Variants in AMZ1 observed in about 807,000 individuals in gnomAD.
The protein encoded by AMZ1 is archaelysin family metallopeptidase 1.
In AMZ1, 39 loss-of-function variants were observed where a neutral mutation model predicts 29.9. The ratio of observed to expected loss-of-function variants is 1.30; its 90% confidence interval spans 1.01 to 1.70. AMZ1 has a LOEUF of 1.70. Among genes scored for constraint, AMZ1 ranks in the 40% most tolerant of loss-of-function variants. The pLI is 0.00. For missense variants in AMZ1, 1,041 were observed against 680.6 expected, an observed-to-expected ratio of 1.53 and a Z score of -5.89; for synonymous variants, 458 against 304.0, an observed-to-expected ratio of 1.51 and a Z score of -5.27.
chr7:2,735,099 C>T (rs1035710915), intron 4 of AMZ1, among the ~76,000 whole-genome samples: 3 of 127,496 alleles, frequency 2.4e-5, no homozygotes, highest in African/African-American at 5.7e-5. Context: ...TGGGAGAAGC[C>T]GTTGGGTGCA....
At chr7:2,742,391 T>G (rs1313215861) in intron 4 of AMZ1, among the ~76,000 whole-genome samples, 1 of 152,312 alleles carries the variant, frequency 6.6e-6, no homozygotes, top group East Asian at 1.9e-4. Context: ...GTGTTTAACA[T>G]GACAGTTTCG....
intron 4 of AMZ1, among the ~76,000 whole-genome samples, chr7:2,736,092 A>G (rs1223092209): frequency 6.6e-6 from 1 of 152,224 alleles, no homozygotes; most frequent in Non-Finnish European, 1.5e-5. Flanking sequence ...CAGCTCATTA[A>G]AAGGGCCAGG....
intron 2 of AMZ1, 162 bp from the exon 3 acceptor site, chr7:2,702,560 T>G: frequency 2.6e-6 from 2 of 772,082 alleles, no homozygotes; most frequent in Non-Finnish European, 4.0e-6. Context: ...GAAAAAGTCA[T>G]GCTTTCCATC....
chr7:2,759,216 A>G (rs1055476989), intron 4 of AMZ1, among the ~76,000 whole-genome samples: 1 of 151,990 alleles, frequency 6.6e-6, no homozygotes, highest in Admixed American at 6.6e-5. Flanking sequence ...CCCATGATGG[A>G]TCTCAAAATA....
At chr7:2,744,218 C>A (rs1376926003) in intron 4 of AMZ1, among the ~76,000 whole-genome samples, 1 of 152,236 alleles carries the variant, frequency 6.6e-6, no homozygotes, top group Non-Finnish European at 1.5e-5. Context: ...GGGCAGACTG[C>A]CTCCTCAAGT....
chr7:2,746,600 C>T (rs551187460), intron 4 of AMZ1, among the ~76,000 whole-genome samples: 1 of 151,984 alleles, frequency 6.6e-6, no homozygotes, highest in Non-Finnish European at 1.5e-5. Flanking sequence ...AACATCACAA[C>T]TAAAAGAACT....
At chr7:2,736,432 CAG>C (rs144880119) in intron 4 of AMZ1, among the ~76,000 whole-genome samples, 16,253 of 152,222 alleles carry the variant, frequency 0.11, 1,004 homozygotes, top group Middle Eastern at 0.18. Flanking sequence ...ACACACCTGA[CAG>C]GGGCCTGTCC....
chr7:2,757,163 T>G (rs1583245744), intron 4 of AMZ1, among the ~76,000 whole-genome samples: 1 of 113,914 alleles, frequency 8.8e-6, no homozygotes. Flanking sequence ...TGAGACGGAG[T>G]CTTGCTCTGT....
At chr7:2,729,317 C>T (rs1038772106) in intron 4 of AMZ1, 7 of 152,406 alleles carry the variant, frequency 4.6e-5, no homozygotes, top group African/African-American at 1.7e-4. Context: ...GAGACCACCC[C>T]GAGGGCCCCA....
chr7:2,721,040 C>CGCTG (rs1407873163), downstream of AMZ1, among the ~76,000 whole-genome samples: 2 of 152,236 alleles, frequency 1.3e-5, no homozygotes, highest in African/African-American at 4.8e-5. Flanking sequence ...GGGCTGTCAT[C>CGCTG]GCTGGCTGCC....
rs140523812 is a variant in AMZ1 at position 2,709,133 on chromosome 7, C to G, written c.660C>G (p.Ser220Arg). ...GGGAATTCCCGAAGTCGGGGCCCAGCGCCCCTGATCTGGCCCTGGTAGAGG... is the reference window on the plus strand; with the variant it reads ...GGGAATTCCCGAAGTCGGGGCCCAGGGCCCCTGATCTGGCCCTGGTAGAGG... ...FSGEFPKSGP[S>R]APDLALVEAA... Residue 220 changes from serine to arginine, a missense_variant, in exon 5 of 7, where the codon AGC becomes AGG. By Grantham distance (110) the Ser-to-Arg change is moderately radical. Coordinates refer to ENST00000683327, the MANE Select transcript of AMZ1 (RefSeq NM_001384743.1). The G allele has an allele frequency of 3.1e-5, 50 of 1,597,512 alleles. No homozygotes were observed. The East Asian group carries it at 1.0e-3, about 33-fold the overall frequency.
rs376179158 is a variant in AMZ1, at chr7:2,702,783, C to G, written c.366C>G (p.Ala122=). The G allele has an allele frequency of 6.5e-7, 1 of 1,544,786 alleles. No homozygotes were observed. The highest frequency in any genetic ancestry group is 8.7e-7 in the Non-Finnish European group (1 of 1,147,842). ...LLHQLCSCTE[A]FFLGLRVKCL... is the part of the protein sequence containing the mutation. The stretch of plus-strand genomic sequence containing the variant: ...ACCAGCTGTGCAGCTGCACAGAGGC[C>G]TTCTTCCTGGGCCTGCGCGTCAAGT... The change falls in exon 3 of 7, where the codon GCC becomes GCG. Residue 122 remains alanine, a synonymous_variant. Coordinates refer to ENST00000683327, the MANE Select transcript of AMZ1 (RefSeq NM_001384743.1).
chr7:2,735,043 G>A (rs932944731), intron 4 of AMZ1, among the ~76,000 whole-genome samples: 2 of 152,216 alleles, frequency 1.3e-5, no homozygotes, highest in Admixed American at 6.5e-5. Flanking sequence ...AGTCCCCCCG[G>A]TCCTCTGCAC....
At chr7:2,751,589 T>G (rs192929716) in intron 4 of AMZ1, among the ~76,000 whole-genome samples, 62 of 152,286 alleles carry the variant, frequency 4.1e-4, no homozygotes, top group Non-Finnish European at 7.1e-4. Flanking sequence ...AGGCCAAATG[T>G]TGGTTCTTTA....
rs4719648 is a variant in AMZ1 at position 2,717,198 on chromosome 7, T to C, written c.*4320T>C. On this transcript the variant is annotated 3_prime_UTR_variant, in exon 7 of 7. Transcript: ENST00000683327. ...TGAGGTGCCAACGAAAACACCCCCG[T>C]GATTGCTGGGGCTTCACTGATTTGT... Among the ~76,000 whole-genome samples, 96,305 of 152,112 alleles carry C rather than the reference T, an allele frequency of 0.63. 31,886 individuals carry two copies. Among genetic ancestry groups the C allele is most frequent in the African/African-American group, 0.81 (33,730 of 41,514 alleles).
Position 2,709,636 on chromosome 7 carries a change from C to T in AMZ1, c.772-4C>T, listed in dbSNP as rs766349873. ...GGCAAGGTGCTTGGTGGCCTTCCCCCCAGGTCACGTGCCACGAGCTCTGCC... is the reference window on the plus strand; with the variant it reads ...GGCAAGGTGCTTGGTGGCCTTCCCCTCAGGTCACGTGCCACGAGCTCTGCC... On this transcript the variant is annotated splice_polypyrimidine_tract_variant and splice_region_variant and intron_variant, in intron 5 of 6. Coordinates refer to ENST00000683327, the MANE Select transcript of AMZ1 (RefSeq NM_001384743.1). The T allele has an allele frequency of 8.7e-6, 14 of 1,607,470 alleles. No individual in the cohort carries two copies. Among genetic ancestry groups the T allele is most frequent in the South Asian group, 3.3e-5 (3 of 90,868 alleles).
At chr7:2,725,488 C>A (rs1789580774) in intron 4 of AMZ1, among the ~76,000 whole-genome samples, 1 of 152,208 alleles carries the variant, frequency 6.6e-6, no homozygotes, top group African/African-American at 2.4e-5. Context: ...CCGCAAATAA[C>A]CTGCCTCCAA....
chr7:2,718,476 T>C lies in AMZ1; in HGVS notation c.*5598T>C, dbSNP rs561415730. On this transcript the variant is annotated 3_prime_UTR_variant, in exon 7 of 7. Coordinates refer to ENST00000683327, the MANE Select transcript of AMZ1 (RefSeq NM_001384743.1). Reference sequence around the variant, plus strand: ...GTGGTCTGTGACCAGCGGGAATGAATGGGGACGTGTTTTGTTCAGCCCTGA... The same window carrying C: ...GTGGTCTGTGACCAGCGGGAATGAACGGGGACGTGTTTTGTTCAGCCCTGA... Among the ~76,000 whole-genome samples, 252 of 152,298 alleles carry C rather than the reference T, an allele frequency of 1.7e-3. 1 individual carries two copies. The highest frequency in any genetic ancestry group is 5.6e-3 in the African/African-American group (232 of 41,568).
chr7:2,737,210 C>G (rs1247779559), intron 4 of AMZ1, among the ~76,000 whole-genome samples: 1 of 151,244 alleles, frequency 6.6e-6, no homozygotes, highest in East Asian at 1.9e-4. Context: ...CAGCTCCTGG[C>G]CAGAGGGCCT....
Sources: gnomAD v4.1 joint callset for allele counts (sites outside exome capture counted in the v4.1 genomes callset) on GRCh38, gnomAD v4.1.1 for gene constraint, MANE v1.5 for transcripts, NCBI Gene and HGNC (gene_info 2026-07-23, HGNC 2026-07-21) for gene names.